The following SHISA6 variants were observed in gnomAD, a reference collection of about 807,000 sequenced individuals.
SHISA6 encodes protein shisa-6.
Under a neutral mutation model 47.9 loss-of-function variants are expected in SHISA6, and 22 were observed. The observed-to-expected ratio is 0.46, with a 90% CI of 0.33 to 0.66. The LOEUF is 0.66. Among genes scored for constraint, SHISA6 ranks in the 30% least tolerant of loss-of-function variants. SHISA6 has a pLI of 0.02. For synonymous variants in SHISA6, 388 were observed against 337.8 expected (o/e 1.15, Z -1.63); for missense variants, 680 against 764.6 (o/e 0.89, Z 1.30).
intron 3 of SHISA6, among the ~76,000 whole-genome samples, chr17:11,382,664 T>C (rs192356039): frequency 2.0e-5 from 3 of 152,320 alleles, no homozygotes; most frequent in African/African-American, 7.2e-5. Flanking sequence ...CCTTTATTCC[T>C]TTTTCCCTCT....
At chr17:11,553,590 T>G (rs2071949305) in intron 4 of SHISA6, among the ~76,000 whole-genome samples, 1 of 152,182 alleles carries the variant, frequency 6.6e-6, no homozygotes, top group South Asian at 2.1e-4. Flanking sequence ...GGATGTTCCC[T>G]TCTTTCCCAG....
chr17:11,310,726 G>T (rs943362352), intron 2 of SHISA6, among the ~76,000 whole-genome samples: 17 of 152,164 alleles, frequency 1.1e-4, no homozygotes, highest in Admixed American at 9.2e-4. Context: ...TATAATCCCA[G>T]CACTTTGGGA....
chr17:11,367,532 A>G (rs565844144), intron 2 of SHISA6, among the ~76,000 whole-genome samples: 1 of 152,214 alleles, frequency 6.6e-6, no homozygotes, highest in Non-Finnish European at 1.5e-5. Flanking sequence ...GGAAAGCACA[A>G]TTCCCAAGAG....
chr17:11,484,094 C>A (rs1294591255), intron 3 of SHISA6, among the ~76,000 whole-genome samples: 1 of 151,964 alleles, frequency 6.6e-6, no homozygotes, highest in Non-Finnish European at 1.5e-5. Context: ...GTAAAGAAAA[C>A]AACATGAATT....
At chr17:11,311,289 A>AC (rs1910330691) in intron 2 of SHISA6, among the ~76,000 whole-genome samples, 1 of 141,938 alleles carries the variant, frequency 7.0e-6, no homozygotes, top group African/African-American at 2.6e-5. Context: ...CAAAAAAAAA[A>AC]AAAAAAAAAA....
chr17:11,392,241 G>C (rs1427623066), intron 3 of SHISA6, among the ~76,000 whole-genome samples: 1 of 152,064 alleles, frequency 6.6e-6, no homozygotes, highest in Non-Finnish European at 1.5e-5. Context: ...ACTAAGAGCA[G>C]TTGAACGCCT....
At chr17:11,388,393 G>A (rs933177781) in intron 3 of SHISA6, among the ~76,000 whole-genome samples, 2 of 152,086 alleles carry the variant, frequency 1.3e-5, no homozygotes, top group Non-Finnish European at 2.9e-5. Context: ...AGGAGTGGGA[G>A]CAGAGCAGAG....
rs76656406 is a variant in SHISA6, at chr17:11,374,800, G to C, written c.800-4614G>C. Among the ~76,000 whole-genome samples, 625 of 151,860 alleles carry C rather than the reference G, an allele frequency of 4.1e-3. 2 individuals are homozygous for C. The highest frequency in any genetic ancestry group is 6.5e-3 in the Non-Finnish European group (439 of 67,958). On this transcript the variant is annotated intron_variant, in intron 2 of 5. Coordinates refer to ENST00000441885, the MANE Select transcript of SHISA6 (RefSeq NM_207386.4). ...GTACTTAAGTAATACTAGTACTACTGTTCTAAATGCTTTGTGTATTCATAT... is the reference window on the plus strand; with the variant it reads ...GTACTTAAGTAATACTAGTACTACTCTTCTAAATGCTTTGTGTATTCATAT...
chr17:11,491,773 T>TTTTTG lies in SHISA6; in HGVS notation c.896-60119_896-60118insGTTTT, dbSNP rs547442933. Among the ~76,000 whole-genome samples, 7 of 145,136 alleles carry TTTTTG rather than the reference T, an allele frequency of 4.8e-5. No homozygotes were observed. In the East Asian group the frequency reaches 6.2e-4, roughly 13 times the overall value. The stretch of plus-strand genomic sequence containing the variant: ...CTGAAAGGGAAGCTGGTGAAGTGTT[T>TTTTTG]TTTTTTTTTTTTTTTTGAGACAGAG... On this transcript the variant is annotated intron_variant, in intron 3 of 5. Coordinates refer to ENST00000441885, the MANE Select transcript of SHISA6 (RefSeq NM_207386.4).
intron 1 of SHISA6, among the ~76,000 whole-genome samples, chr17:11,258,313 A>G (rs923698123): frequency 1.3e-5 from 2 of 152,230 alleles, no homozygotes; most frequent in Non-Finnish European, 1.5e-5. Flanking sequence ...GACAGCTCAG[A>G]AATCCAGAGA....
intron 2 of SHISA6, among the ~76,000 whole-genome samples, chr17:11,316,976 C>T (rs550378919): frequency 6.6e-6 from 1 of 152,232 alleles, no homozygotes; most frequent in Non-Finnish European, 1.5e-5. Flanking sequence ...GGCTGTTACT[C>T]ACTAATATGT....
intron 2 of SHISA6, among the ~76,000 whole-genome samples, chr17:11,360,587 A>G (rs1223146459): frequency 6.6e-6 from 1 of 151,268 alleles, no homozygotes; most frequent in African/African-American, 2.4e-5. Context: ...AAAAGAGAAC[A>G]CATGGACACA....
At chr17:11,352,705 A>AGG (rs779283278) in intron 2 of SHISA6, among the ~76,000 whole-genome samples, 25 of 152,148 alleles carry the variant, frequency 1.6e-4, no homozygotes, top group Non-Finnish European at 3.1e-4. Context: ...TGATGGAGAG[A>AGG]GGGTTGGTGC....
At chr17:11,548,888 A>G (rs996745887) in intron 3 of SHISA6, among the ~76,000 whole-genome samples, 2 of 152,202 alleles carry the variant, frequency 1.3e-5, no homozygotes, top group African/African-American at 4.8e-5. Context: ...ACTTTCATTT[A>G]TTCATTAGGT....
At chr17:11,551,101 G>T (rs1009123551) in intron 3 of SHISA6, among the ~76,000 whole-genome samples, 1 of 152,206 alleles carries the variant, frequency 6.6e-6, no homozygotes, top group Non-Finnish European at 1.5e-5. Flanking sequence ...TCAGATACAT[G>T]CAACAATGAA....
intron 3 of SHISA6, among the ~76,000 whole-genome samples, chr17:11,533,954 T>G (rs568256566): frequency 7.0e-6 from 1 of 143,296 alleles, no homozygotes; most frequent in South Asian, 2.3e-4. Context: ...TTACACAGAC[T>G]AGTATTTATT....
intron 3 of SHISA6, among the ~76,000 whole-genome samples, chr17:11,409,606 A>G (rs888740661): frequency 2.0e-5 from 3 of 151,484 alleles, no homozygotes; most frequent in Non-Finnish European, 4.4e-5. Flanking sequence ...CAGGAGGCTG[A>G]GACAGGAAAA....
intron 2 of SHISA6, among the ~76,000 whole-genome samples, chr17:11,301,808 C>T (rs1437141325): frequency 6.6e-6 from 1 of 152,152 alleles, no homozygotes; most frequent in Non-Finnish European, 1.5e-5. Flanking sequence ...TGTAGGGGTC[C>T]TCTCCCTTTG....
intron 3 of SHISA6, among the ~76,000 whole-genome samples, chr17:11,428,226 C>T (rs1914655867): frequency 6.6e-6 from 1 of 152,196 alleles, no homozygotes; most frequent in East Asian, 1.9e-4. Context: ...TGGGACCAAG[C>T]TTGATGACAG....
Sources: gnomAD v4.1 joint callset for allele counts (sites outside exome capture counted in the v4.1 genomes callset) on GRCh38, gnomAD v4.1.1 for gene constraint, MANE v1.5 for transcripts, NCBI Gene and HGNC (gene_info 2026-07-23, HGNC 2026-07-21) for gene names.